Variants in PRKN observed in about 807,000 individuals in gnomAD.
PRKN encodes E3 ubiquitin-protein ligase parkin.
A neutral mutation model predicts 59.5 loss-of-function variants in PRKN; 56 were observed. The ratio of observed to expected loss-of-function variants is 0.94; its 90% CI spans 0.76 to 1.18. The LOEUF is 1.18. Ranked by LOEUF, PRKN falls within the 50% of genes most tolerant of loss-of-function variation. PRKN has a pLI of 0.00. For synonymous variants in PRKN, 250 were observed against 222.1 expected (o/e 1.13, Z -1.12); for missense variants, 657 against 596.4 (o/e 1.10, Z -1.06).
At position 161,368,382 on chromosome 6, in the gene PRKN, G is replaced by GATATATATATATATATATATATATAT. The variant is rs34367069; in HGVS notation, c.1168-8203_1168-8178dup. Among the ~76,000 whole-genome samples, 286 of 99,164 alleles carry GATATATATATATATATATATATATAT rather than the reference G, an allele frequency of 2.9e-3. 7 individuals carry two copies. The highest frequency in any genetic ancestry group is 3.5e-3 in the Non-Finnish European group (173 of 49,638). The allele number at this position is 99,164 out of a possible 152,430, so 65.1% of individuals were successfully genotyped here. ...GTATATATATAGCAACCTCAGTCTTGATATATATATATATATATATATATA... is the reference window on the plus strand; with the variant it reads ...GTATATATATAGCAACCTCAGTCTTGATATATATATATATATATATATATATATATATATATATATATATATATATA... On this transcript the variant is annotated intron_variant, in intron 10 of 11. Coordinates refer to ENST00000366898, the MANE Select transcript of PRKN (RefSeq NM_004562.3).
At chr6:161,875,145 TA>T (rs903207985) in intron 6 of PRKN, among the ~76,000 whole-genome samples, 15 of 136,812 alleles carry the variant, frequency 1.1e-4, no homozygotes, top group South Asian at 2.2e-4. Context: ...ATAATATATA[TA>T]AAAATATACA....
intron 5 of PRKN, among the ~76,000 whole-genome samples, chr6:162,038,882 C>T (rs929179605): frequency 5.3e-5 from 8 of 152,110 alleles, no homozygotes; most frequent in Non-Finnish European, 7.4e-5. Flanking sequence ...TGGCCGGGCG[C>T]GGTGGTTCAC....
chr6:162,511,984 CACA>C (rs1298046686), intron 1 of PRKN, among the ~76,000 whole-genome samples: 1 of 152,064 alleles, frequency 6.6e-6, no homozygotes, highest in East Asian at 1.9e-4. Context: ...TTATTTGAAG[CACA>C]ACACCTTATA....
chr6:161,848,529 A>G (rs1793294571), intron 6 of PRKN, among the ~76,000 whole-genome samples: 1 of 152,194 alleles, frequency 6.6e-6, no homozygotes, highest in Non-Finnish European at 1.5e-5. Context: ...TTCGTTTGAT[A>G]AAATCAACTC....
Position 162,351,068 on chromosome 6 carries a change from T to C in PRKN, c.172-88303A>G, listed in dbSNP as rs150008108. 4.1e-3 allele frequency among the ~76,000 whole-genome samples: 617 copies of C among 152,218 alleles called. 11 individuals are homozygous for C. Among genetic ancestry groups the C allele is most frequent in the Admixed American group, 0.032 (492 of 15,266 alleles). On this transcript the variant is annotated intron_variant, in intron 2 of 11. Coordinates refer to ENST00000366898, the MANE Select transcript of PRKN (RefSeq NM_004562.3). The stretch of plus-strand genomic sequence containing the variant: ...ATCCAAGCAAGGTGGCATGTGCCTG[T>C]AGTCCCATCTCTTCAGGAGGCTGAG...
At chr6:161,611,408 C>A (rs1424392708) in intron 7 of PRKN, among the ~76,000 whole-genome samples, 1 of 152,178 alleles carries the variant, frequency 6.6e-6, no homozygotes, top group African/African-American at 2.4e-5. Context: ...TCTGTTGATG[C>A]CATTTTCCCA....
chr6:161,866,307 G>A (rs1320719324), intron 6 of PRKN, among the ~76,000 whole-genome samples: 1 of 152,204 alleles, frequency 6.6e-6, no homozygotes, highest in African/African-American at 2.4e-5. Flanking sequence ...CAGGCGCAGT[G>A]ACTCACACCT....
intron 1 of PRKN, among the ~76,000 whole-genome samples, chr6:162,573,159 CAG>C (rs1163507157): frequency 6.6e-6 from 1 of 152,150 alleles, no homozygotes; most frequent in Non-Finnish European, 1.5e-5. Flanking sequence ...AGATTCCAAA[CAG>C]AAAATGAGTT....
At chr6:161,925,452 T>A (rs1778933965) in intron 6 of PRKN, among the ~76,000 whole-genome samples, 1 of 152,094 alleles carries the variant, frequency 6.6e-6, no homozygotes, top group African/African-American at 2.4e-5. Context: ...GCGCCTGTGA[T>A]CCCAGCTACT....
At chr6:161,514,057 T>C (rs2115339373) in intron 9 of PRKN, among the ~76,000 whole-genome samples, 1 of 152,026 alleles carries the variant, frequency 6.6e-6, no homozygotes, top group South Asian at 2.1e-4. Flanking sequence ...AGCAGAAATG[T>C]ATTTCTTTGT....
intron 1 of PRKN, among the ~76,000 whole-genome samples, chr6:162,647,973 A>AAAAAAAAAAAAT (rs1264732665): frequency 7.1e-6 from 1 of 140,732 alleles, no homozygotes. Flanking sequence ...AAAAAAAAAA[A>AAAAAAAAAAAAT]AAAAGTCTAC....
At chr6:161,978,955 G>C (rs1184971539) in intron 5 of PRKN, among the ~76,000 whole-genome samples, 1 of 152,118 alleles carries the variant, frequency 6.6e-6, no homozygotes. Flanking sequence ...CTTTACGGCG[G>C]GTAAACTGAG....
chr6:162,400,457 CAAAA>C (rs3081908), intron 2 of PRKN, among the ~76,000 whole-genome samples: 4 of 98,652 alleles, frequency 4.1e-5, no homozygotes, highest in Non-Finnish European at 5.9e-5. Context: ...ATGTAAATAT[CAAAA>C]AAAAAAAAAA....
intron 1 of PRKN, among the ~76,000 whole-genome samples, chr6:162,592,140 C>A (rs1277172426): frequency 6.6e-6 from 1 of 152,076 alleles, no homozygotes; most frequent in Non-Finnish European, 1.5e-5. Context: ...GCTGGGATTA[C>A]AGACACTCAT....
chr6:161,516,483 AAAAAAAAAAAG>A lies in PRKN; in HGVS notation c.1083+32360_1083+32370del, dbSNP rs1314664152. On this transcript the variant is annotated intron_variant, in intron 9 of 11. Coordinates refer to ENST00000366898, the MANE Select transcript of PRKN (RefSeq NM_004562.3). ...GGCTCCTTCTAAAAAAAAAAAAAAA[AAAAAAAAAAAG>A]AAGAAGAAGAAAGAAGAAAGAAGAA... 3.3e-5 allele frequency among the ~76,000 whole-genome samples: 4 copies of A among 122,932 alleles called. No individual in the cohort carries two copies. The East Asian group carries it at 8.2e-4, about 25-fold the overall frequency. The allele number at this position is 122,932 out of a possible 152,430, so 80.6% of individuals were successfully genotyped here.
chr6:162,490,906 G>C (rs1443322405), intron 1 of PRKN, among the ~76,000 whole-genome samples: 1 of 152,110 alleles, frequency 6.6e-6, no homozygotes, highest in Non-Finnish European at 1.5e-5. Flanking sequence ...AGCCAAGGAG[G>C]GTGGATCACT....
intron 4 of PRKN, among the ~76,000 whole-genome samples, chr6:162,061,045 T>A (rs1458366564): frequency 6.6e-6 from 1 of 152,208 alleles, no homozygotes; most frequent in Non-Finnish European, 1.5e-5. Flanking sequence ...TCCCTTGATG[T>A]TTTTCTATCT....
chr6:162,431,122 T>C (rs898753747), intron 2 of PRKN, among the ~76,000 whole-genome samples: 6 of 151,968 alleles, frequency 3.9e-5, no homozygotes, highest in Admixed American at 6.6e-5. Context: ...ATCAGAGCTT[T>C]GTATTTATAG....
At chr6:162,477,262 C>A (rs1562316113) in intron 1 of PRKN, among the ~76,000 whole-genome samples, 2 of 152,200 alleles carry the variant, frequency 1.3e-5, no homozygotes, top group East Asian at 1.9e-4. Context: ...CTGGTAGGTA[C>A]CAGGAAATTA....
Sources: gnomAD v4.1 joint callset for allele counts (sites outside exome capture counted in the v4.1 genomes callset) on GRCh38, gnomAD v4.1.1 for gene constraint, MANE v1.5 for transcripts, NCBI Gene and HGNC (gene_info 2026-07-23, HGNC 2026-07-21) for gene names.